The following HGD variants were observed in gnomAD, a reference collection of about 807,000 sequenced individuals.
HGD encodes homogentisate oxidase.
A neutral mutation model predicts 60.8 loss-of-function variants in HGD; 61 were observed. That is an observed-to-expected ratio of 1.00 (90% CI 0.82 to 1.24). The LOEUF (loss-of-function observed/expected upper bound fraction) is 1.24, where lower values mean the gene tolerates loss of function less well. Among genes scored for constraint, HGD ranks in the 50% most tolerant of loss-of-function variants. The pLI is 0.00. For missense variants in HGD, 542 were observed against 547.1 expected (o/e 0.99, Z 0.09); for synonymous variants, 212 against 187.7 (o/e 1.13, Z -1.06).
intron 6 of HGD, among the ~76,000 whole-genome samples, chr3:120,648,173 C>T (rs1376521803): frequency 2.0e-5 from 3 of 152,056 alleles, no homozygotes; most frequent in Non-Finnish European, 2.9e-5. Context: ...GAAAGAATAG[C>T]GACTTGGTTA....
intron 1 of HGD, among the ~76,000 whole-genome samples, chr3:120,681,577 T>C (rs747265831): frequency 9.9e-5 from 15 of 152,226 alleles, no homozygotes; most frequent in Non-Finnish European, 1.8e-4. Context: ...GCTAAAATGC[T>C]TAGCACCTAA....
chr3:120,682,013 C>G (rs1708238065), intron 1 of HGD, 84 bp downstream of exon 1: 1 of 1,327,940 alleles, frequency 7.5e-7, no homozygotes, highest in Non-Finnish European at 1.1e-6. Flanking sequence ...AAGTCTTTTC[C>G]AACTCTGATA....
At chr3:120,662,033 GGTGA>G (rs1285499195) in intron 4 of HGD, among the ~76,000 whole-genome samples, 1 of 152,168 alleles carries the variant, frequency 6.6e-6, no homozygotes, top group Non-Finnish European at 1.5e-5. Context: ...GATTTAGATG[GGTGA>G]GTATTTGTGA....
At chr3:120,630,221 C>T (rs369788546) in intron 13 of HGD, among the ~76,000 whole-genome samples, 25 of 152,162 alleles carry the variant, frequency 1.6e-4, no homozygotes, top group African/African-American at 4.6e-4. Context: ...AAAGATTCAA[C>T]GCTGTTCATA....
At chr3:120,645,148 G>T (rs1398071611) in intron 9 of HGD, among the ~76,000 whole-genome samples, 2 of 152,202 alleles carry the variant, frequency 1.3e-5, no homozygotes, top group African/African-American at 2.4e-5. Context: ...GTCCCCGGCT[G>T]GTTAGCAAAT....
intron 1 of HGD, among the ~76,000 whole-genome samples, chr3:120,680,524 A>C (rs991059788): frequency 4.6e-5 from 7 of 152,210 alleles, no homozygotes; most frequent in Non-Finnish European, 1.0e-4. Context: ...TTTTACATAA[A>C]ATTTATTTAT....
intron 12 of HGD, 85 bp downstream of exon 12, chr3:120,638,370 C>T: frequency 6.5e-7 from 1 of 1,538,494 alleles, no homozygotes. Flanking sequence ...CCAGAAATAA[C>T]CCAGGCATTA....
chr3:120,674,644 T>C (rs950203884), intron 3 of HGD: 2 of 421,888 alleles, frequency 4.7e-6, no homozygotes, highest in South Asian at 4.3e-5. Context: ...CTTCTGAATA[T>C]AGGAGGTAAT....
intron 4 of HGD, among the ~76,000 whole-genome samples, chr3:120,659,989 G>C (rs1193165691): frequency 6.6e-6 from 1 of 151,994 alleles, no homozygotes; most frequent in East Asian, 1.9e-4. Context: ...GAATGGCTTA[G>C]CACTACCCTC....
At chr3:120,630,798 T>TTA (rs61375071) in intron 13 of HGD, among the ~76,000 whole-genome samples, 1,992 of 87,950 alleles carry the variant, frequency 0.023, 44 homozygotes, top group South Asian at 0.028. Context: ...CTTAAGAGCT[T>TTA]TATATATATA....
At chr3:120,644,721 G>T in intron 9 of HGD, 2 of 861,648 alleles carry the variant, frequency 2.3e-6, no homozygotes, top group Non-Finnish European at 3.4e-6. Context: ...ATCACTACAG[G>T]TGAGGGGAAG....
intron 7 of HGD, among the ~76,000 whole-genome samples, chr3:120,647,273 C>G (rs1417808581): frequency 6.6e-6 from 1 of 152,026 alleles, no homozygotes; most frequent in Non-Finnish European, 1.5e-5. Flanking sequence ...GGTCACCAGG[C>G]AAGGAACTTG....
chr3:120,676,809 A>T (rs561475249), intron 1 of HGD, among the ~76,000 whole-genome samples: 3 of 152,274 alleles, frequency 2.0e-5, no homozygotes, highest in Non-Finnish European at 2.9e-5. Flanking sequence ...TCCTTAAGAG[A>T]TATAAGAAGG....
chr3:120,673,371 G>A (rs1253011537), intron 3 of HGD, among the ~76,000 whole-genome samples: 4 of 152,178 alleles, frequency 2.6e-5, no homozygotes, highest in African/African-American at 4.8e-5. Context: ...AATGGGGACA[G>A]GCTGCAGAAT....
chr3:120,656,804 G>A (rs1032862381), intron 4 of HGD, among the ~76,000 whole-genome samples: 16 of 152,056 alleles, frequency 1.1e-4, no homozygotes, highest in Non-Finnish European at 1.5e-4. Context: ...CACTTGCCTC[G>A]CCCTCCCAAA....
At chr3:120,667,744 C>A (rs1271944929) in intron 4 of HGD, among the ~76,000 whole-genome samples, 1 of 152,106 alleles carries the variant, frequency 6.6e-6, no homozygotes, top group Non-Finnish European at 1.5e-5. Flanking sequence ...ACCCTGTTAA[C>A]CACTACTGAT....
At chr3:120,667,958 T>G (rs931455789) in intron 4 of HGD, among the ~76,000 whole-genome samples, 4 of 152,132 alleles carry the variant, frequency 2.6e-5, no homozygotes, top group African/African-American at 9.7e-5. Flanking sequence ...CCAGGTTGGT[T>G]GTGCAAGCTG....
intron 4 of HGD, among the ~76,000 whole-genome samples, chr3:120,654,671 C>A (rs907232875): frequency 2.0e-5 from 3 of 152,058 alleles, no homozygotes; most frequent in Non-Finnish European, 4.4e-5. Flanking sequence ...GAAGAAAGAG[C>A]AAGGGGAAAG....
intron 1 of HGD, among the ~76,000 whole-genome samples, chr3:120,679,017 G>C (rs1026858446): frequency 6.6e-6 from 1 of 152,180 alleles, no homozygotes; most frequent in African/African-American, 2.4e-5. Flanking sequence ...GTTTTCTACA[G>C]TTCGGATTTC....
Sources: allele counts gnomAD v4.1 joint callset (sites outside exome capture counted in the v4.1 genomes callset), GRCh38; gene constraint gnomAD v4.1.1; transcripts MANE v1.5; gene names NCBI Gene and HGNC (gene_info 2026-07-23, HGNC 2026-07-21).